DNMT3A: variants seen among roughly 807,000 people sequenced by gnomAD.
DNMT3A encodes the protein DNA methyltransferase 3 alpha.
Under a neutral mutation model 117.6 loss-of-function variants are expected in DNMT3A, and 267 were observed. That is an observed-to-expected ratio of 2.27 (90% CI 2.05 to 2.51). DNMT3A has a LOEUF of 2.51. DNMT3A is among the 30% of genes most tolerant of loss of function. The pLI, the probability that DNMT3A is intolerant of heterozygous loss-of-function variation, is 0.00. For synonymous variants in DNMT3A, 432 were observed against 474.8 expected, an observed-to-expected ratio of 0.91 and a Z score of 1.17; for missense variants, 1,029 against 1,260.2, an observed-to-expected ratio of 0.82 and a Z score of 2.78.
chr2:25,295,783 G>A (rs1313334369), intron 3 of DNMT3A, among the ~76,000 whole-genome samples: 3 of 152,284 alleles, frequency 2.0e-5, no homozygotes, highest in Non-Finnish European at 2.9e-5. Context: ...ACCTCACGCA[G>A]GTTTGTCAGC....
intron 3 of DNMT3A, among the ~76,000 whole-genome samples, chr2:25,291,772 T>G (rs35241889): frequency 0.061 from 9,255 of 152,302 alleles, 291 homozygotes; most frequent in African/African-American, 0.084. Flanking sequence ...GGTCACTCAG[T>G]CCATGGCCTG....
chr2:25,244,781 AG>A, intron 13 of DNMT3A, 129 bp from the exon 14 acceptor site: 1 of 746,976 alleles, frequency 1.3e-6, no homozygotes, highest in Non-Finnish European at 2.3e-6. Flanking sequence ...CACCTTAGCC[AG>A]GGTCAGGCCC....
chr2:25,336,009 C>T (rs1246126604), intron 1 of DNMT3A, among the ~76,000 whole-genome samples: 3 of 152,100 alleles, frequency 2.0e-5, no homozygotes, highest in Non-Finnish European at 4.4e-5. Context: ...AAGCCCCAGG[C>T]GTCTGCACCT....
rs2033111832 is a variant in DNMT3A at position 25,296,725 on chromosome 2, G to A, written c.177+3414C>T. On this transcript the variant is annotated intron_variant, in intron 3 of 22. Coordinates refer to ENST00000321117, the MANE Select transcript of DNMT3A (RefSeq NM_022552.5). This position sits in a 1 kb window ranked among gnomAD's most constrained non-coding sequence, Gnocchi z 4.2. ...GGTTTGGGTGAGGGCAATGCCAGGG[G>A]GCAGAAGGCACCCAGGGACAGATGC... is the stretch of plus-strand genomic sequence containing the variant. 6.6e-6 allele frequency among the ~76,000 whole-genome samples: 1 copy of A among 152,228 alleles called. No homozygotes were observed. The highest frequency in any genetic ancestry group is 2.4e-5 in the African/African-American group (1 of 41,458).
intron 6 of DNMT3A, 26 bp downstream of exon 6, chr2:25,274,909 CGGGCTG>C: frequency 6.3e-7 from 1 of 1,589,644 alleles, no homozygotes; most frequent in Non-Finnish European, 8.6e-7. Context: ...TTCTGCAGGA[CGGGCTG>C]GGGCCCAGGC....
Position 25,298,940 on chromosome 2 carries a change from C to CG in DNMT3A, c.177+1198_177+1199insC, listed in dbSNP as rs756567292. Among the ~76,000 whole-genome samples, 182 of 151,012 alleles carry CG rather than the reference C, an allele frequency of 1.2e-3. No individual in the cohort carries two copies. The highest frequency in any genetic ancestry group is 2.1e-3 in the Non-Finnish European group (143 of 67,596). On this transcript the variant is annotated intron_variant, in intron 3 of 22. Transcript: ENST00000321117. The surrounding 1 kb of genome is among the most constrained non-coding windows in gnomAD (Gnocchi z 4.3). ...CCCCCACCTCCAGGAACTCACCACC[C>CG]CCCCCGCCTCTACTGTCCCATTTCA... is the stretch of plus-strand genomic sequence containing the variant.
intron 1 of DNMT3A, among the ~76,000 whole-genome samples, chr2:25,330,183 C>A (rs1413893692): frequency 6.6e-6 from 1 of 152,234 alleles, no homozygotes; most frequent in Non-Finnish European, 1.5e-5. Context: ...TTATGCATAT[C>A]ATTAAGGGTA....
In DNMT3A at chr2:25,285,599, G is replaced by A. The variant is rs548977044; in HGVS notation, c.178-2888C>T. 2.6e-5 allele frequency among the ~76,000 whole-genome samples: 4 copies of A among 152,214 alleles called. No homozygotes were observed. The South Asian group carries it at 8.3e-4, about 32-fold the overall frequency. ...GCAACGAGAGGAAGAGGAGGTGACT[G>A]GTAAAAGCGAGAAGTCCTCCACTGT... On this transcript the variant is annotated intron_variant, in intron 3 of 22. Coordinates refer to ENST00000321117, the MANE Select transcript of DNMT3A (RefSeq NM_022552.5).
intron 6 of DNMT3A, among the ~76,000 whole-genome samples, chr2:25,271,544 G>A (rs538061684): frequency 2.4e-4 from 36 of 152,314 alleles, no homozygotes; most frequent in Non-Finnish European, 4.7e-4. Context: ...CATTGGAATA[G>A]GAAACGTAAA....
At chr2:25,331,546 G>A (rs1001301170) in intron 1 of DNMT3A, among the ~76,000 whole-genome samples, 2 of 152,290 alleles carry the variant, frequency 1.3e-5, no homozygotes, top group South Asian at 2.1e-4. Context: ...GATGATGCTC[G>A]CCGCAGGTCC....
chr2:25,300,713 A>T (rs13034943), intron 2 of DNMT3A, among the ~76,000 whole-genome samples: 1,984 of 4,186 alleles, frequency 0.47, 114 homozygotes, highest in African/African-American at 0.52. Context: ...AAATAATATA[A>T]TATATATATA....
At chr2:25,245,165 G>A (rs530934271) in intron 13 of DNMT3A, 88 bp downstream of exon 13, 631 of 1,309,044 alleles carry the variant, frequency 4.8e-4, no homozygotes, top group Non-Finnish European at 6.1e-4. Flanking sequence ...GTGTCACCCT[G>A]TACATGCCCA....
rs898648517 is a variant in DNMT3A at position 25,247,285 on chromosome 2, T to C, written c.1015-127A>G. On this transcript the variant is annotated intron_variant, in intron 8 of 22. Coordinates refer to ENST00000321117, the MANE Select transcript of DNMT3A (RefSeq NM_022552.5). This position sits in a 1 kb window ranked among gnomAD's most constrained non-coding sequence, Gnocchi z 5.6. Reference sequence around the variant, plus strand: ...CAGCCCTGGAGGGGACCAGATACAGTGATAAATAATTACCCGATGCAAAGA... The same window carrying C: ...CAGCCCTGGAGGGGACCAGATACAGCGATAAATAATTACCCGATGCAAAGA... The C allele has an allele frequency of 1.4e-5, 13 of 930,592 alleles. No individual in the cohort carries two copies. The highest frequency in any genetic ancestry group is 2.1e-5 in the Non-Finnish European group (13 of 607,264). 57.6% of individuals were successfully genotyped at this position (930,592 alleles called of 1,614,324 possible). A position where few individuals can be genotyped will look rare whatever the true frequency, so the allele number is the denominator to read the frequency against.
intron 1 of DNMT3A, among the ~76,000 whole-genome samples, chr2:25,316,137 G>A (rs906022982): frequency 2.0e-5 from 3 of 152,212 alleles, no homozygotes; most frequent in Admixed American, 2.0e-4. Context: ...AAATGGAGTC[G>A]GGGGAGACCC....
chr2:25,264,398 CCA>C (rs1235110073), intron 6 of DNMT3A, among the ~76,000 whole-genome samples: 2 of 151,952 alleles, frequency 1.3e-5, no homozygotes, highest in Non-Finnish European at 2.9e-5. Flanking sequence ...CCTTGGCCTC[CCA>C]CAGTGTTGGG....
At chr2:25,265,563 A>C (rs1262905282) in intron 6 of DNMT3A, among the ~76,000 whole-genome samples, 2 of 152,210 alleles carry the variant, frequency 1.3e-5, no homozygotes, top group African/African-American at 2.4e-5. Context: ...TCATGCCTGT[A>C]ATCCCAGCAC....
intron 3 of DNMT3A, among the ~76,000 whole-genome samples, chr2:25,285,152 A>G (rs1244143173): frequency 1.3e-5 from 2 of 152,206 alleles, no homozygotes; most frequent in African/African-American, 4.8e-5. Flanking sequence ...CTAAATGTGC[A>G]GAGATACTGC....
intron 1 of DNMT3A, among the ~76,000 whole-genome samples, chr2:25,330,674 C>A (rs971982921): frequency 1.3e-5 from 2 of 152,214 alleles, no homozygotes; most frequent in African/African-American, 4.8e-5. Context: ...GTGCCCCTAT[C>A]CCCTGGCACA....
At chr2:25,290,327 T>C (rs1489052540) in intron 3 of DNMT3A, among the ~76,000 whole-genome samples, 2 of 150,916 alleles carry the variant, frequency 1.3e-5, no homozygotes, top group Non-Finnish European at 3.0e-5. Flanking sequence ...GTGATTTTTT[T>C]TTTTTTTTTT....
Sources: allele counts gnomAD v4.1 joint callset (sites outside exome capture counted in the v4.1 genomes callset), GRCh38; gene constraint gnomAD v4.1.1; non-coding constraint Gnocchi (gnomAD v3.1); transcripts MANE v1.5; gene names NCBI Gene and HGNC (gene_info 2026-07-23, HGNC 2026-07-21).